Variants in DNAH5 observed in about 807,000 individuals in gnomAD.
DNAH5 encodes the protein axonemal beta dynein heavy chain 5.
A neutral mutation model predicts 518.2 loss-of-function variants in DNAH5; 372 were observed. The observed-to-expected ratio is 0.72, with a 90% CI of 0.66 to 0.78. The LOEUF (loss-of-function observed/expected upper bound fraction) is 0.78. DNAH5 is among the 30% of genes least tolerant of loss of function. DNAH5 has a pLI of 0.00. For missense variants in DNAH5, 5,523 were observed against 5,687.0 expected (o/e 0.97, Z 0.93); for synonymous variants, 2,039 against 2,025.9 (o/e 1.01, Z -0.17).
At chr5:13,720,700 G>C (rs1381150706) in intron 71 of DNAH5, among the ~76,000 whole-genome samples, 1 of 152,096 alleles carries the variant, frequency 6.6e-6, no homozygotes, top group Non-Finnish European at 1.5e-5. Context: ...TGAGAACTCT[G>C]ATATTCCATC....
chr5:13,735,020 G>GGCATT lies in DNAH5; in HGVS notation c.11761+110_11761+111insAATGC, dbSNP rs1747167357. On this transcript the variant is annotated intron_variant, in intron 68 of 78. Coordinates refer to ENST00000265104, the MANE Select transcript of DNAH5 (RefSeq NM_001369.3). ...AAATAAAATATCTCATCTAAATGCA[G>GGCATT]TCTTACATAATGCAAGGCAATTGTT... 41 of 919,080 alleles carry GGCATT rather than the reference G, an allele frequency of 4.5e-5. No homozygotes were observed. The East Asian group carries it at 1.0e-3, about 23-fold the overall frequency. The allele number at this position is 919,080 out of a possible 1,614,324, so 56.9% of individuals were successfully genotyped here.
At chr5:13,890,547 G>A (rs776123706) in intron 17 of DNAH5, among the ~76,000 whole-genome samples, 2 of 152,106 alleles carry the variant, frequency 1.3e-5, no homozygotes, top group East Asian at 1.9e-4. Flanking sequence ...CCCAGCAATG[G>A]CTCCAGAATT....
intron 1 of DNAH5, among the ~76,000 whole-genome samples, chr5:13,937,201 G>C (rs545096359): frequency 6.6e-6 from 1 of 150,820 alleles, no homozygotes. Flanking sequence ...TAAGAATTTT[G>C]CATAACTTCA....
In DNAH5 at chr5:13,777,361, G is replaced by A. The variant is rs2126814564; in HGVS notation, c.8952-6C>T. On this transcript the variant is annotated splice_polypyrimidine_tract_variant and splice_region_variant and intron_variant, in intron 53 of 78. Transcript: ENST00000265104. ...GATTTGATGTGTTGTAGGATCTAAA[G>A]AAATATTTTCATTTTGTCATTAGCT... 1 of 1,612,052 alleles carries A rather than the reference G, an allele frequency of 6.2e-7. No homozygotes were observed. The highest frequency in any genetic ancestry group is 8.5e-7 in the Non-Finnish European group (1 of 1,178,748).
chr5:13,929,685 G>A (rs1778228303), intron 2 of DNAH5, among the ~76,000 whole-genome samples: 1 of 152,178 alleles, frequency 6.6e-6, no homozygotes, highest in Non-Finnish European at 1.5e-5. Context: ...CAGTATTGAA[G>A]CTCCTATCCC....
chr5:13,839,449 T>C lies in DNAH5; in HGVS notation c.5789A>G (p.Lys1930Arg), dbSNP rs1423822917. ...CRFYFNEDSD[K>R]MMIHITDVAF... ...CACATCTGTGATGTGAATCATCATCTTGTCAGAATCTTCGTTAAAGTAAAA... is the reference window on the plus strand; with the variant it reads ...CACATCTGTGATGTGAATCATCATCCTGTCAGAATCTTCGTTAAAGTAAAA... Residue 1930 changes from lysine to arginine, a missense_variant, in exon 35 of 79, where the codon AAG becomes AGG. Lys to Arg is a conservative substitution (Grantham distance 26). Coordinates refer to ENST00000265104, the MANE Select transcript of DNAH5 (RefSeq NM_001369.3). 1.9e-6 allele frequency: 3 copies of C among 1,614,056 alleles called. No homozygotes were observed. Among genetic ancestry groups the C allele is most frequent in the Non-Finnish European group, 2.5e-6 (3 of 1,179,902 alleles).
chr5:13,730,016 C>T (rs1024498428), intron 68 of DNAH5, among the ~76,000 whole-genome samples: 1 of 152,318 alleles, frequency 6.6e-6, no homozygotes, highest in African/African-American at 2.4e-5. Flanking sequence ...TCAATACACA[C>T]TTTATCTAGA....
intron 32 of DNAH5, among the ~76,000 whole-genome samples, chr5:13,842,357 G>C (rs1040702995): frequency 6.6e-6 from 1 of 150,830 alleles, no homozygotes; most frequent in Non-Finnish European, 1.5e-5. Flanking sequence ...TCCAGGCTGG[G>C]CAACAAGAGC....
chr5:13,918,866 T>A (rs1776943287), intron 7 of DNAH5, among the ~76,000 whole-genome samples: 1 of 152,202 alleles, frequency 6.6e-6, no homozygotes, highest in South Asian at 2.1e-4. Context: ...GAGTTTTCAT[T>A]ATTATTATTT....
chr5:13,941,749 A>G (rs1171532316), intron 1 of DNAH5, among the ~76,000 whole-genome samples: 1 of 152,220 alleles, frequency 6.6e-6, no homozygotes, highest in Non-Finnish European at 1.5e-5. Context: ...CAGCAATCTG[A>G]AAGTTCATGA....
In DNAH5 at chr5:13,707,013, C is replaced by T. The variant is rs1742877978; in HGVS notation, c.13338+1110G>A. Among the ~76,000 whole-genome samples, 1 of 152,146 alleles carries T rather than the reference C, an allele frequency of 6.6e-6. No homozygotes were observed. Among genetic ancestry groups the T allele is most frequent in the Admixed American group, 6.5e-5 (1 of 15,276 alleles). ...TTGCATTTTCCAAGACCACTCTGGCCCACCATGCCCCGCATCCTGTGCCCA... is the reference window on the plus strand; with the variant it reads ...TTGCATTTTCCAAGACCACTCTGGCTCACCATGCCCCGCATCCTGTGCCCA... On this transcript the variant is annotated intron_variant, in intron 76 of 78. Transcript: ENST00000265104. This position sits in a 1 kb window ranked among gnomAD's most constrained non-coding sequence, Gnocchi z 4.0.
chr5:13,832,806 G>A (rs534232689), intron 35 of DNAH5, among the ~76,000 whole-genome samples: 2 of 152,286 alleles, frequency 1.3e-5, no homozygotes, highest in Non-Finnish European at 2.9e-5. Context: ...ACAGGAATTA[G>A]AGATGCAGAA....
chr5:13,794,861 G>A (rs563353807), intron 47 of DNAH5, among the ~76,000 whole-genome samples: 63 of 152,330 alleles, frequency 4.1e-4, no homozygotes, highest in African/African-American at 1.5e-3. Context: ...CAGCTATTCG[G>A]GAGGCTGAGG....
intron 60 of DNAH5, among the ~76,000 whole-genome samples, chr5:13,761,292 T>A (rs1751733340): frequency 1.3e-5 from 2 of 152,138 alleles, no homozygotes; most frequent in Non-Finnish European, 2.9e-5. Flanking sequence ...TTAACTGTAG[T>A]TCTCTTTAAG....
intron 1 of DNAH5, among the ~76,000 whole-genome samples, chr5:14,000,873 G>A (rs768554205): frequency 1.7e-4 from 26 of 152,260 alleles, no homozygotes; most frequent in Admixed American, 9.2e-4. Context: ...ATTCACAATA[G>A]CAAAGACATG....
chr5:13,956,158 T>C (rs939442488), intron 1 of DNAH5, among the ~76,000 whole-genome samples: 7 of 152,188 alleles, frequency 4.6e-5, no homozygotes, highest in Admixed American at 2.0e-4. Context: ...CCTTCCTCTA[T>C]AGCATTCTTC....
chr5:13,714,400 C>T lies in DNAH5; in HGVS notation c.13125+5G>A. 2 of 1,614,104 alleles carry T rather than the reference C, an allele frequency of 1.2e-6. No individual in the cohort carries two copies. The highest frequency in any genetic ancestry group is 8.5e-7 in the Non-Finnish European group (1 of 1,179,964). ...TGACATTTTGTCAGGATTTCATCAA[C>T]TCACTTCAAAGGGGACATAGTCTGG... On this transcript the variant is annotated splice_donor_5th_base_variant and intron_variant, in intron 75 of 78. Coordinates refer to ENST00000265104, the MANE Select transcript of DNAH5 (RefSeq NM_001369.3).
chr5:13,821,245 C>G (rs1051908353), intron 40 of DNAH5, among the ~76,000 whole-genome samples: 7 of 152,068 alleles, frequency 4.6e-5, no homozygotes, highest in African/African-American at 1.7e-4. Flanking sequence ...AAAATAAAGA[C>G]TCAAACAGCA....
At chr5:13,987,727 G>A (rs1343644403) in intron 1 of DNAH5, among the ~76,000 whole-genome samples, 9 of 151,958 alleles carry the variant, frequency 5.9e-5, no homozygotes, top group South Asian at 4.2e-4. Context: ...GGTGGCGCAC[G>A]CCTATAGTCC....
Sources: gnomAD v4.1 joint callset for allele counts (sites outside exome capture counted in the v4.1 genomes callset) on GRCh38, gnomAD v4.1.1 for gene constraint, Gnocchi (gnomAD v3.1) non-coding constraint, MANE v1.5 for transcripts, NCBI Gene and HGNC (gene_info 2026-07-23, HGNC 2026-07-21) for gene names.